SKIC3: variants seen among roughly 807,000 people sequenced by gnomAD.
SKIC3 encodes the protein superkiller complex protein 3.
chr5:95,535,168 A>C, the SKIC3 span, among the ~76,000 whole-genome samples: 1 of 152,104 alleles, frequency 6.6e-6, no homozygotes, highest in African/African-American at 2.4e-5. Flanking sequence ...TTAAGACTTT[A>C]TACTCCACTC....
the SKIC3 span, among the ~76,000 whole-genome samples, chr5:95,471,777 C>A: frequency 6.6e-6 from 1 of 152,152 alleles, no homozygotes; most frequent in African/African-American, 2.4e-5. Flanking sequence ...CCAAGCTCTC[C>A]AGGGTTGACA....
the SKIC3 span, among the ~76,000 whole-genome samples, chr5:95,547,439 T>C: frequency 6.6e-6 from 1 of 152,146 alleles, no homozygotes; most frequent in Non-Finnish European, 1.5e-5. Context: ...TCCATTGCTT[T>C]ATTTTTCTTG....
the SKIC3 span, among the ~76,000 whole-genome samples, chr5:95,553,302 A>G: frequency 6.6e-6 from 1 of 152,260 alleles, no homozygotes; most frequent in African/African-American, 2.4e-5. Context: ...TGTGGAAACA[A>G]GGCTGTAGAG....
chr5:95,506,758 TGGGGTTGGTTACCATTATA>T, the SKIC3 span, among the ~76,000 whole-genome samples: 6 of 152,182 alleles, frequency 3.9e-5, no homozygotes, highest in African/African-American at 1.4e-4. Flanking sequence ...TAAAGCACAC[TGGGGTTGGTTACCATTATA>T]GGTATAGGAA....
At chr5:95,517,414 C>T in the SKIC3 span, 5 of 1,416,710 alleles carry the variant, frequency 3.5e-6, no homozygotes, top group Non-Finnish European at 4.9e-6. Flanking sequence ...AAAAACTGTA[C>T]ATTAAGTACT....
chr5:95,528,625 G>A, the SKIC3 span, among the ~76,000 whole-genome samples: 1 of 151,910 alleles, frequency 6.6e-6, no homozygotes, highest in Admixed American at 6.6e-5. Flanking sequence ...CCCTCACCCT[G>A]TCACATTCAA....
At chr5:95,541,005 T>A in the SKIC3 span, among the ~76,000 whole-genome samples, 1 of 152,172 alleles carries the variant, frequency 6.6e-6, no homozygotes, top group African/African-American at 2.4e-5. Flanking sequence ...TTGCTCTTGT[T>A]TCCCAGGCTG....
chr5:95,533,293 T>C, the SKIC3 span, among the ~76,000 whole-genome samples: 1 of 152,160 alleles, frequency 6.6e-6, no homozygotes, highest in African/African-American at 2.4e-5. Context: ...AATACATTTG[T>C]TCTCAGTGGA....
chr5:95,520,588 CTGTT>C, the SKIC3 span: 1 of 728,530 alleles, frequency 1.4e-6, no homozygotes, highest in Non-Finnish European at 2.2e-6. Context: ...ATTGGCTTGT[CTGTT>C]ATTCTTTATG....
chr5:95,509,060 A>G, the SKIC3 span, among the ~76,000 whole-genome samples: 1 of 152,162 alleles, frequency 6.6e-6, no homozygotes, highest in East Asian at 1.9e-4. Context: ...GATGAGCAAC[A>G]AAAACCAAAA....
the SKIC3 span, chr5:95,523,844 A>T: frequency 6.2e-7 from 1 of 1,611,472 alleles, no homozygotes; most frequent in South Asian, 1.1e-5. Flanking sequence ...CCTTTGAAAT[A>T]AATATTGATA....
the SKIC3 span, among the ~76,000 whole-genome samples, chr5:95,546,018 C>T: frequency 1.3e-5 from 2 of 152,208 alleles, no homozygotes; most frequent in African/African-American, 4.8e-5. Context: ...CTAATTTTTT[C>T]TATCCTAAAC....
the SKIC3 span, among the ~76,000 whole-genome samples, chr5:95,498,770 C>T: frequency 2.0e-5 from 3 of 152,190 alleles, no homozygotes; most frequent in South Asian, 2.1e-4. Context: ...GGACTACAGG[C>T]GCCCGCCATC....
chr5:95,523,235 A>G, the SKIC3 span: 5 of 1,613,928 alleles, frequency 3.1e-6, no homozygotes, highest in East Asian at 4.5e-5. Flanking sequence ...ACCAGCTTTC[A>G]AATAGTATAG....
the SKIC3 span, among the ~76,000 whole-genome samples, chr5:95,527,366 G>A: frequency 6.6e-6 from 1 of 152,196 alleles, no homozygotes; most frequent in Non-Finnish European, 1.5e-5. Flanking sequence ...ATTGTTGAAA[G>A]ATGCTGACAA....
At chr5:95,484,935 G>A in the SKIC3 span, 246,573 of 1,384,266 alleles carry the variant, frequency 0.18, 28,439 homozygotes, top group African/African-American at 0.53. Flanking sequence ...TTACCGTTGG[G>A]CTTATCATCC....
At chr5:95,515,078 C>T in the SKIC3 span, 1 of 710,948 alleles carries the variant, frequency 1.4e-6, no homozygotes, top group Admixed American at 2.3e-5. Context: ...ATGCTTAAAG[C>T]AGTGTTTTAA....
the SKIC3 span, among the ~76,000 whole-genome samples, chr5:95,535,552 C>T: frequency 3.3e-5 from 5 of 151,822 alleles, no homozygotes; most frequent in East Asian, 3.9e-4. Flanking sequence ...CCTCGTGATC[C>T]GCCTGCCTCG....
At chr5:95,552,836 G>A in the SKIC3 span, among the ~76,000 whole-genome samples, 3 of 152,000 alleles carry the variant, frequency 2.0e-5, no homozygotes, top group Non-Finnish European at 4.4e-5. Context: ...ATGAGAACTA[G>A]CTGAAGAAAC....
Sources: gnomAD v4.1 joint callset for allele counts (sites outside exome capture counted in the v4.1 genomes callset) on GRCh38, gnomAD v4.1.1 for gene constraint, MANE v1.5 for transcripts, NCBI Gene and HGNC (gene_info 2026-07-23, HGNC 2026-07-21) for gene names.